The following CACNA1E variants were observed in gnomAD, a reference collection of about 807,000 sequenced individuals.
CACNA1E encodes calcium voltage-gated channel subunit alpha1 E, also known as voltage-dependent R-type calcium channel subunit alpha-1E.
Under a neutral mutation model 259.2 loss-of-function variants are expected in CACNA1E, and 40 were observed. The observed-to-expected ratio is 0.15, with a 90% CI of 0.12 to 0.20. CACNA1E has a LOEUF of 0.20. CACNA1E is among the 10% of genes least tolerant of loss of function. CACNA1E has a pLI of 1.00. For synonymous variants in CACNA1E, 1,104 were observed against 1,138.5 expected (o/e 0.97, Z 0.61); for missense variants, 1,874 against 3,040.1 (o/e 0.62, Z 9.02).
chr1:181,356,960 G>A (rs1161799557), intron 1 of CACNA1E, among the ~76,000 whole-genome samples: 1 of 152,144 alleles, frequency 6.6e-6, no homozygotes, highest in African/African-American at 2.4e-5. Flanking sequence ...TCAGCTAGAG[G>A]GTACAGAGAA....
chr1:181,451,553 C>A (rs549121534), intron 2 of CACNA1E, among the ~76,000 whole-genome samples: 2 of 152,238 alleles, frequency 1.3e-5, no homozygotes, highest in African/African-American at 4.8e-5. Flanking sequence ...GGCATGGTGG[C>A]GCATGCCTGT....
intron 2 of CACNA1E, among the ~76,000 whole-genome samples, chr1:181,468,114 C>T (rs1029658476): frequency 6.6e-6 from 1 of 152,148 alleles, no homozygotes; most frequent in Non-Finnish European, 1.5e-5. Flanking sequence ...ACCCATCTGT[C>T]TAACAGAGAG....
At chr1:181,584,749 C>T (rs1293038440) in intron 6 of CACNA1E, among the ~76,000 whole-genome samples, 1 of 152,188 alleles carries the variant, frequency 6.6e-6, no homozygotes, top group Non-Finnish European at 1.5e-5. Context: ...GGGAATGTGG[C>T]TTCCATCTTT....
intron 2 of CACNA1E, among the ~76,000 whole-genome samples, chr1:181,438,535 AG>A (rs1007398563): frequency 2.0e-5 from 3 of 152,206 alleles, no homozygotes; most frequent in African/African-American, 7.2e-5. Context: ...TTAAATCATC[AG>A]GTGGGGAGTG....
intron 29 of CACNA1E, 88 bp downstream of exon 29, chr1:181,756,181 C>A: frequency 3.9e-6 from 5 of 1,287,700 alleles, no homozygotes; most frequent in Non-Finnish European, 5.3e-6. Flanking sequence ...ACAAGGCTCA[C>A]GCTTTGTTAT....
At chr1:181,769,990 C>T (rs751447290) in intron 35 of CACNA1E, among the ~76,000 whole-genome samples, 3 of 152,154 alleles carry the variant, frequency 2.0e-5, no homozygotes, top group Non-Finnish European at 2.9e-5. Flanking sequence ...GCTGCTGCCT[C>T]ACTTGCCACC....
Position 181,558,152 on chromosome 1 carries a change from C to T in CACNA1E, c.513-19614C>T, listed in dbSNP as rs1317694705. Among the ~76,000 whole-genome samples the T allele has an allele frequency of 2.0e-5, 3 of 152,184 alleles. 1 individual carries two copies. On this transcript the variant is annotated intron_variant, in intron 3 of 47. Transcript: ENST00000367573. ...CTTGAAGGGCAGTCTTGAAGCTACA[C>T]TAAGAGAGGGTTACTTTGTGTAGCT...
intron 6 of CACNA1E, among the ~76,000 whole-genome samples, chr1:181,634,874 C>T (rs957124279): frequency 5.3e-5 from 8 of 152,214 alleles, no homozygotes; most frequent in African/African-American, 1.4e-4. Context: ...ACCCCCACTT[C>T]GCTGTGCCTT....
At chr1:181,495,933 CAG>C (rs148488631) in intron 1 of CACNA1E, among the ~76,000 whole-genome samples, 357 of 152,294 alleles carry the variant, frequency 2.3e-3, no homozygotes, top group African/African-American at 8.4e-3. Context: ...GACAATCCTA[CAG>C]AGATAGGCAT....
rs180864879 is a variant in CACNA1E at position 181,447,059 on chromosome 1, T to A, written c.434+33479T>A. Reference sequence around the variant, plus strand: ...CCAAGGTTCTTACATTCTTCCCAAATGTACCTCATTGCACAAGCTGCTACC... The same window carrying A: ...CCAAGGTTCTTACATTCTTCCCAAAAGTACCTCATTGCACAAGCTGCTACC... On this transcript the variant is annotated intron_variant, in intron 2 of 11. Coordinates refer to the CACNA1E transcript ENST00000524607. 3.3e-5 allele frequency among the ~76,000 whole-genome samples: 5 copies of A among 152,302 alleles called. No individual in the cohort carries two copies. The East Asian group carries it at 9.6e-4, about 29-fold the overall frequency.
intron 1 of CACNA1E, among the ~76,000 whole-genome samples, chr1:181,353,195 C>T (rs1653170320): frequency 6.6e-6 from 1 of 152,188 alleles, no homozygotes; most frequent in South Asian, 2.1e-4. Flanking sequence ...GACATCATCT[C>T]CCTGAGATCC....
chr1:181,772,960 T>G (rs1659652134), intron 37 of CACNA1E, among the ~76,000 whole-genome samples: 1 of 152,082 alleles, frequency 6.6e-6, no homozygotes, highest in Admixed American at 6.5e-5. Context: ...ACCCTGCATA[T>G]CAGACAAGCA....
chr1:181,318,015 G>A lies in CACNA1E; in HGVS notation c.-123G>A, dbSNP rs138014647. 8.5e-3 allele frequency: 1,202 copies of A among 142,144 alleles called. 7 individuals are homozygous for A. The highest frequency in any genetic ancestry group is 0.041 in the Middle Eastern group (12 of 294). 8.8% of individuals were successfully genotyped at this position (142,144 alleles called of 1,614,324 possible). The stretch of plus-strand genomic sequence containing the variant: ...TCACCATTTCTCCTCCCCCGTCTTC[G>A]CCCTCCCATCCCCACCCCTTTCCCC... On this transcript the variant is annotated 5_prime_UTR_variant, in exon 1 of 12. Transcript: ENST00000524607.
chr1:181,650,964 TC>T (rs1457256936), intron 6 of CACNA1E, among the ~76,000 whole-genome samples: 1 of 152,236 alleles, frequency 6.6e-6, no homozygotes, highest in Non-Finnish European at 1.5e-5. Context: ...CCTGCCTTTG[TC>T]TTTTTGAGAA....
At chr1:181,778,566 G>A (rs1350007971) in intron 38 of CACNA1E, among the ~76,000 whole-genome samples, 4 of 152,212 alleles carry the variant, frequency 2.6e-5, no homozygotes, top group Non-Finnish European at 4.4e-5. Context: ...ATCCCTGGGT[G>A]TTGCTTCTTT....
intron 7 of CACNA1E, among the ~76,000 whole-genome samples, chr1:181,652,787 G>GT (rs1177595902): frequency 6.6e-6 from 1 of 152,156 alleles, no homozygotes; most frequent in Non-Finnish European, 1.5e-5. Flanking sequence ...CCTAGCAAAA[G>GT]TTAGGAGACT....
At position 181,732,955 on chromosome 1, in the gene CACNA1E, G is replaced by A. The variant is rs1450055994; in HGVS notation, c.2869G>A (p.Glu957Lys). The A allele has an allele frequency of 2.5e-6, 4 of 1,613,912 alleles. No individual in the cohort carries two copies. The highest frequency in any genetic ancestry group is 2.7e-5 in the African/African-American group (2 of 74,938). ...SLDEAMPTEG[E>K]KDHELRGNHG... ...GGATGAAGCCATGCCCACTGAAGGG[G>A]AGAAGGACCATGAGCTCAGGGGCAA... The change falls in exon 20 of 48, where the codon GAG (glutamate) becomes AAG (lysine). Residue 957 changes from glutamate (E) to lysine (K), a missense_variant. Glu to Lys is a moderately conservative substitution (Grantham distance 56). Transcript: ENST00000367573. This position sits in a 1 kb window ranked among gnomAD's most constrained non-coding sequence, Gnocchi z 5.5.
intron 2 of CACNA1E, among the ~76,000 whole-genome samples, chr1:181,476,676 C>T (rs75715589): frequency 0.06 from 9,119 of 152,284 alleles, 359 homozygotes; most frequent in Admixed American, 0.12. Context: ...ATGAACCAAT[C>T]GGCCTGAGCC....
At chr1:181,339,513 A>G (rs1651984530) in intron 1 of CACNA1E, among the ~76,000 whole-genome samples, 1 of 152,042 alleles carries the variant, frequency 6.6e-6, no homozygotes, top group Non-Finnish European at 1.5e-5. Flanking sequence ...ATAATATTCT[A>G]TTGTATGTAC....
Sources: gnomAD v4.1 joint callset for allele counts (sites outside exome capture counted in the v4.1 genomes callset) on GRCh38, gnomAD v4.1.1 for gene constraint, Gnocchi (gnomAD v3.1) non-coding constraint, MANE v1.5 for transcripts, NCBI Gene and HGNC (gene_info 2026-07-23, HGNC 2026-07-21) for gene names.